The following FARS2 variants were observed in gnomAD, a reference collection of about 807,000 sequenced individuals.
FARS2 encodes the protein phenylalanyl-tRNA synthetase 2, mitochondrial.
Under a neutral mutation model 46.4 loss-of-function variants are expected in FARS2, and 40 were observed. The ratio of observed to expected loss-of-function variants is 0.86; its 90% CI spans 0.67 to 1.12. FARS2 has a LOEUF of 1.12. Ranked by LOEUF, FARS2 falls within the 50% of genes most tolerant of loss-of-function variation. The pLI is 0.00. For missense variants in FARS2, 513 were observed against 567.9 expected (o/e 0.90, Z 0.98); for synonymous variants, 234 against 214.9 (o/e 1.09, Z -0.78).
chr6:5,283,747 A>G (rs974141716), intron 1 of FARS2, among the ~76,000 whole-genome samples: 3 of 151,652 alleles, frequency 2.0e-5, no homozygotes, highest in Admixed American at 6.6e-5. Flanking sequence ...ATCCTTTAAC[A>G]GTATATCTCA....
chr6:5,301,832 CACACACACACACACAA>C (rs2127534600), intron 1 of FARS2, among the ~76,000 whole-genome samples: 1 of 135,914 alleles, frequency 7.4e-6, no homozygotes, highest in Admixed American at 7.0e-5. Context: ...CACACACACA[CACACACACACACACAA>C]AGAAAATGGG....
At chr6:5,293,307 G>A (rs555127182) in intron 1 of FARS2, among the ~76,000 whole-genome samples, 2 of 152,324 alleles carry the variant, frequency 1.3e-5, no homozygotes, top group East Asian at 3.9e-4. Context: ...GAGAAATTAT[G>A]TGCTGAAATG....
At chr6:5,625,656 A>T (rs1022352925) in intron 6 of FARS2, among the ~76,000 whole-genome samples, 2 of 152,206 alleles carry the variant, frequency 1.3e-5, no homozygotes, top group Admixed American at 1.3e-4. Flanking sequence ...ATGAGTGGTC[A>T]CAGAGAAATA....
At chr6:5,253,345 G>A in the FARS2 span, among the ~76,000 whole-genome samples, 2 of 151,826 alleles carry the variant, frequency 1.3e-5, no homozygotes, top group Non-Finnish European at 2.9e-5. Context: ...TTTTTGCATT[G>A]CTGGAATTTG....
chr6:5,514,948 G>T (rs1582323166), intron 4 of FARS2, among the ~76,000 whole-genome samples: 1 of 148,016 alleles, frequency 6.8e-6, no homozygotes. Context: ...TTTGTTTTTT[G>T]TTTTTTTTTT....
chr6:5,349,942 C>T (rs1375799860), intron 1 of FARS2, among the ~76,000 whole-genome samples: 1 of 150,382 alleles, frequency 6.6e-6, no homozygotes, highest in Non-Finnish European at 1.5e-5. Flanking sequence ...CACAGCGTAT[C>T]ATGGGTCCAT....
At chr6:5,527,131 C>A (rs1389646129) in intron 4 of FARS2, among the ~76,000 whole-genome samples, 2 of 152,004 alleles carry the variant, frequency 1.3e-5, no homozygotes, top group Non-Finnish European at 2.9e-5. Flanking sequence ...TTTTTTCTTT[C>A]TGTCAACTCT....
rs114871463 is a variant in FARS2, at chr6:5,302,466, T to G, written c.-22+40806T>G. 2.3e-3 allele frequency among the ~76,000 whole-genome samples: 351 copies of G among 152,180 alleles called. 1 individual carries two copies. Among genetic ancestry groups the G allele is most frequent in the African/African-American group, 7.2e-3 (297 of 41,534 alleles). On this transcript the variant is annotated intron_variant, in intron 1 of 6. Transcript: ENST00000274680. ...TAGGCTAATCAAGTACCTCTGGCCT[T>G]GGGGAGTTGAAGTTAAAAAAAAATG... is the stretch of plus-strand genomic sequence containing the variant.
intron 3 of FARS2, among the ~76,000 whole-genome samples, chr6:5,416,674 A>G (rs146161716): frequency 1.3e-5 from 2 of 152,248 alleles, no homozygotes; most frequent in African/African-American, 4.8e-5. Context: ...TTTGCTTTCT[A>G]TGAGTAACAT....
intron 6 of FARS2, among the ~76,000 whole-genome samples, chr6:5,653,948 T>A (rs1343808808): frequency 3.3e-5 from 5 of 152,184 alleles, no homozygotes; most frequent in African/African-American, 1.2e-4. Flanking sequence ...AGAAGTTTCC[T>A]ACGTAATGCT....
intron 5 of FARS2, among the ~76,000 whole-genome samples, chr6:5,598,186 A>G (rs987020958): frequency 3.9e-4 from 60 of 152,136 alleles, no homozygotes; most frequent in African/African-American, 1.4e-3. Flanking sequence ...CAAAAGTTCA[A>G]GATGAGGCTA....
chr6:5,623,577 T>A (rs529531153), intron 6 of FARS2, among the ~76,000 whole-genome samples: 2 of 152,052 alleles, frequency 1.3e-5, no homozygotes, highest in Non-Finnish European at 2.9e-5. Context: ...CCAGACGTGG[T>A]GGCACGCGCC....
Position 5,722,459 on chromosome 6 carries a change from G to T in FARS2, c.1218-48832G>T, listed in dbSNP as rs58627367. Among the ~76,000 whole-genome samples, 204 of 152,320 alleles carry T rather than the reference G, an allele frequency of 1.3e-3. 3 individuals are homozygous for T. The East Asian group carries it at 0.027, about 20-fold the overall frequency. Reference sequence around the variant, plus strand: ...CAAAGCAGTGCGCTGTGACAGAGGGGTTATCTCAGGTGGGATGGCCCTGAA... The same window carrying T: ...CAAAGCAGTGCGCTGTGACAGAGGGTTTATCTCAGGTGGGATGGCCCTGAA... On this transcript the variant is annotated intron_variant, in intron 6 of 6. Transcript: ENST00000274680.
chr6:5,734,670 C>T (rs1760841593), intron 6 of FARS2, among the ~76,000 whole-genome samples: 1 of 152,112 alleles, frequency 6.6e-6, no homozygotes, highest in African/African-American at 2.4e-5. Context: ...TTCTTAATAA[C>T]CCTTTGATAT....
chr6:5,332,072 A>G (rs1408367198), intron 1 of FARS2, among the ~76,000 whole-genome samples: 1 of 152,170 alleles, frequency 6.6e-6, no homozygotes, highest in Non-Finnish European at 1.5e-5. Context: ...CAGACAGGAA[A>G]CTAAATCCCT....
intron 4 of FARS2, among the ~76,000 whole-genome samples, chr6:5,476,682 C>T (rs1000320002): frequency 6.6e-6 from 1 of 152,030 alleles, no homozygotes; most frequent in African/African-American, 2.4e-5. Context: ...GTTGCCATGC[C>T]GAGGAGTTCA....
chr6:5,610,169 G>A (rs1278486132), intron 5 of FARS2: 10 of 950,400 alleles, frequency 1.1e-5, no homozygotes, highest in South Asian at 3.0e-5. Context: ...TCAGCTATTC[G>A]GGCTCTTTAG....
chr6:5,426,687 G>T (rs1036331645), intron 3 of FARS2, among the ~76,000 whole-genome samples: 1 of 152,060 alleles, frequency 6.6e-6, no homozygotes, highest in Non-Finnish European at 1.5e-5. Context: ...GTGCAGTGGC[G>T]CAATCTTGGC....
intron 4 of FARS2, among the ~76,000 whole-genome samples, chr6:5,458,386 C>G (rs916376632): frequency 6.6e-6 from 1 of 152,202 alleles, no homozygotes; most frequent in Non-Finnish European, 1.5e-5. Context: ...CTGAGGAGCA[C>G]TGGAGCCCTA....
Sources: gnomAD v4.1 joint callset for allele counts (sites outside exome capture counted in the v4.1 genomes callset) on GRCh38, gnomAD v4.1.1 for gene constraint, MANE v1.5 for transcripts, NCBI Gene and HGNC (gene_info 2026-07-23, HGNC 2026-07-21) for gene names.